FAM135A: variants seen among roughly 807,000 people sequenced by gnomAD.
FAM135A encodes the protein protein FAM135A.
FAM135A carries 79 observed loss-of-function variants against 146.8 expected under a neutral mutation model. The ratio of observed to expected loss-of-function variants is 0.54; its 90% CI spans 0.45 to 0.65. The LOEUF (loss-of-function observed/expected upper bound fraction) is 0.65, where lower values mean the gene tolerates loss of function less well. FAM135A is among the 30% of genes least tolerant of loss of function. The pLI, the probability that FAM135A is intolerant of heterozygous loss-of-function variation, is 0.00. For synonymous variants in FAM135A, 562 were observed against 603.6 expected, an observed-to-expected ratio of 0.93 and a Z score of 1.01; for missense variants, 1,623 against 1,758.2, an observed-to-expected ratio of 0.92 and a Z score of 1.38.
chr6:70,429,579 G>A (rs575957208), intron 4 of FAM135A, among the ~76,000 whole-genome samples: 22 of 152,062 alleles, frequency 1.4e-4, no homozygotes, highest in Admixed American at 3.9e-4. Flanking sequence ...TTTTCTAGGA[G>A]AATTACAGAA....
chr6:70,441,573 A>G (rs1490005570), intron 4 of FAM135A, among the ~76,000 whole-genome samples: 1 of 152,134 alleles, frequency 6.6e-6, no homozygotes, highest in Admixed American at 6.5e-5. Context: ...TCAGCCAAGG[A>G]GCCCTGGTTC....
At chr6:70,431,018 A>G (rs1771464860) in intron 4 of FAM135A, among the ~76,000 whole-genome samples, 3 of 152,120 alleles carry the variant, frequency 2.0e-5, no homozygotes, top group South Asian at 4.1e-4. Flanking sequence ...AAGATAGCAT[A>G]TTACATCACT....
intron 5 of FAM135A, among the ~76,000 whole-genome samples, chr6:70,469,078 G>A (rs75260799): frequency 0.092 from 13,974 of 151,978 alleles, 1,731 homozygotes; most frequent in African/African-American, 0.28. Context: ...AGCACTTAAT[G>A]CTTGTAACTT....
chr6:70,481,807 CAG>C (rs1783754641), intron 9 of FAM135A, among the ~76,000 whole-genome samples, 192 bp from the exon 10 acceptor site: 1 of 152,098 alleles, frequency 6.6e-6, no homozygotes, highest in African/African-American at 2.4e-5. Context: ...CCCACTGTAA[CAG>C]AAATTACTAG....
intron 4 of FAM135A, among the ~76,000 whole-genome samples, chr6:70,451,574 A>G (rs181608224): frequency 3.9e-5 from 6 of 152,256 alleles, no homozygotes; most frequent in Admixed American, 2.6e-4. Flanking sequence ...TAATGTTCCA[A>G]ATTTGACTGA....
At chr6:70,529,337 A>T (rs1310063395) in intron 16 of FAM135A, among the ~76,000 whole-genome samples, 1 of 151,684 alleles carries the variant, frequency 6.6e-6, no homozygotes, top group Non-Finnish European at 1.5e-5. Context: ...ATATTACTGT[A>T]TTATGAGATT....
intron 10 of FAM135A, among the ~76,000 whole-genome samples, chr6:70,484,414 T>C (rs1784253086): frequency 6.6e-6 from 1 of 152,204 alleles, no homozygotes; most frequent in Non-Finnish European, 1.5e-5. Context: ...AGTATGTTTA[T>C]TGGTAAAATT....
intron 5 of FAM135A, among the ~76,000 whole-genome samples, chr6:70,471,430 A>AG (rs1158468071): frequency 6.6e-6 from 1 of 152,158 alleles, no homozygotes; most frequent in Admixed American, 6.5e-5. Context: ...GACAGGTGGA[A>AG]GTATGGGAGG....
chr6:70,556,628 G>T, intron 20 of FAM135A, 122 bp from the exon 21 acceptor site: 5 of 599,464 alleles, frequency 8.3e-6, no homozygotes, highest in Non-Finnish European at 1.4e-5. Flanking sequence ...ATCAAGTATT[G>T]ACAAAGTCAG....
chr6:70,556,154 C>T (rs1312989463), intron 20 of FAM135A, among the ~76,000 whole-genome samples: 4 of 152,118 alleles, frequency 2.6e-5, no homozygotes, highest in African/African-American at 4.8e-5. Context: ...GAGGCTGAGG[C>T]ACGAGAATCA....
chr6:70,502,410 T>G (rs1788761300), intron 11 of FAM135A, among the ~76,000 whole-genome samples: 1 of 151,572 alleles, frequency 6.6e-6, no homozygotes, highest in Non-Finnish European at 1.5e-5. Flanking sequence ...TCTTAGATAT[T>G]GAAATATTGG....
At chr6:70,442,237 G>T (rs1774680103) in intron 4 of FAM135A, among the ~76,000 whole-genome samples, 3 of 129,318 alleles carry the variant, frequency 2.3e-5, no homozygotes, top group African/African-American at 3.7e-5. Flanking sequence ...ATTTCTTCAT[G>T]GGTTTTTTTT....
chr6:70,431,705 A>T (rs1011465673), intron 4 of FAM135A, among the ~76,000 whole-genome samples: 7 of 152,230 alleles, frequency 4.6e-5, no homozygotes, highest in Non-Finnish European at 1.0e-4. Context: ...TACATTTTGT[A>T]GGTTTGTTTT....
intron 12 of FAM135A, among the ~76,000 whole-genome samples, chr6:70,520,903 G>C (rs867639411): frequency 6.6e-6 from 1 of 152,164 alleles, no homozygotes; most frequent in Non-Finnish European, 1.5e-5. Flanking sequence ...AAAGATTTCT[G>C]ATAACAAGGA....
intron 4 of FAM135A, among the ~76,000 whole-genome samples, chr6:70,451,165 T>C (rs547998408): frequency 6.6e-6 from 1 of 152,318 alleles, no homozygotes; most frequent in African/African-American, 2.4e-5. Context: ...AGACTTTTGT[T>C]TAAATGTCTC....
rs146638620 is a variant in FAM135A at position 70,469,257 on chromosome 6, C to T, written c.158-6153C>T. 4.2e-3 allele frequency among the ~76,000 whole-genome samples: 640 copies of T among 152,208 alleles called. 4 individuals are homozygous for T. The highest frequency in any genetic ancestry group is 0.01 in the Middle Eastern group (3 of 294). The stretch of plus-strand genomic sequence containing the variant: ...AAGTATTCAGTAAATATTTGTTGAT[C>T]GGATGAGTGAATGAATGACTAGGAA... On this transcript the variant is annotated intron_variant, in intron 5 of 21. Transcript: ENST00000418814.
At chr6:70,429,046 T>C (rs927862606) in intron 4 of FAM135A, among the ~76,000 whole-genome samples, 8 of 152,260 alleles carry the variant, frequency 5.3e-5, no homozygotes, top group Middle Eastern at 3.4e-3. Flanking sequence ...GAAAGACGTC[T>C]TTCTGGTTTA....
At chr6:70,450,716 GTTTTTTTTTTTTTTTTTTTTT>G (rs546674936) in intron 4 of FAM135A, among the ~76,000 whole-genome samples, 11 of 28,348 alleles carry the variant, frequency 3.9e-4, no homozygotes, top group South Asian at 4.4e-3. Flanking sequence ...CCTTTTAGTT[GTTTTTTTTTTTTTTTTTTTTT>G]TTTTTTTTTT....
Position 70,413,591 on chromosome 6 carries a change from G to T in FAM135A, c.-331G>T. 6.2e-6 allele frequency: 1 copy of T among 160,562 alleles called. No homozygotes were observed. Among genetic ancestry groups the T allele is most frequent in the Non-Finnish European group, 1.3e-5 (1 of 75,262 alleles). 9.9% of individuals were successfully genotyped at this position (160,562 alleles called of 1,614,324 possible). A position where few individuals can be genotyped will look rare whatever the true frequency, so the allele number is the denominator to read the frequency against. ...TGTTTGCGGTTGCTGTGATGGCGATGTGAGGGGGCCCGGGGCGGGATGGTG... is the reference window on the plus strand; with the variant it reads ...TGTTTGCGGTTGCTGTGATGGCGATTTGAGGGGGCCCGGGGCGGGATGGTG... On this transcript the variant is annotated 5_prime_UTR_variant, in exon 1 of 22. It removes an upstream start codon present in the reference 5' UTR. Coordinates refer to ENST00000418814, the MANE Select transcript of FAM135A (RefSeq NM_001162529.3).
Sources: allele counts gnomAD v4.1 joint callset (sites outside exome capture counted in the v4.1 genomes callset), GRCh38; gene constraint gnomAD v4.1.1; transcripts MANE v1.5; gene names NCBI Gene and HGNC (gene_info 2026-07-23, HGNC 2026-07-21).